Variants in ANK2 observed in about 807,000 individuals in gnomAD.
The protein encoded by ANK2 is ankyrin 2.
A neutral mutation model predicts 360.5 loss-of-function variants in ANK2; 83 were observed. The observed-to-expected ratio is 0.23, with a 90% confidence interval of 0.19 to 0.28. The LOEUF (loss-of-function observed/expected upper bound fraction) is 0.28. ANK2 is among the 10% of genes least tolerant of loss of function. The pLI is 1.00. For missense variants in ANK2, 4,201 were observed against 4,795.7 expected, an observed-to-expected ratio of 0.88 and a Z score of 3.66; for synonymous variants, 1,740 against 1,759.5, an observed-to-expected ratio of 0.99 and a Z score of 0.28.
chr4:112,789,668 A>G, the ANK2 span, among the ~76,000 whole-genome samples: 1 of 152,174 alleles, frequency 6.6e-6, no homozygotes. Context: ...TATGTAGTAT[A>G]TATCCTCAAG....
intron 1 of ANK2, among the ~76,000 whole-genome samples, chr4:112,900,545 A>G (rs2083027799): frequency 6.6e-6 from 1 of 152,198 alleles, no homozygotes; most frequent in African/African-American, 2.4e-5. Flanking sequence ...GGGGAAAGGG[A>G]AAAAGGGAGA....
At chr4:113,374,810 A>G in intron 45 of ANK2, 1 of 1,244,732 alleles carries the variant, frequency 8.0e-7, no homozygotes, top group South Asian at 1.4e-5. Context: ...TCACAATTTC[A>G]GGCTGAGCCA....
At chr4:113,373,922 T>C (rs1160074252) in intron 45 of ANK2, among the ~76,000 whole-genome samples, 4 of 152,072 alleles carry the variant, frequency 2.6e-5, no homozygotes, top group Non-Finnish European at 5.9e-5. Flanking sequence ...AACTCTTTGA[T>C]TTATCCTTGT....
rs911954644 is a variant in ANK2 at position 113,382,793 on chromosome 4, G to C, written c.*1322G>C. The C allele has an allele frequency of 9.9e-5, 15 of 152,192 alleles. No individual in the cohort carries two copies. The highest frequency in any genetic ancestry group is 3.4e-4 in the African/African-American group (14 of 41,528). The allele number at this position is 152,192 out of a possible 1,614,324, so 9.4% of individuals were successfully genotyped here. On this transcript the variant is annotated 3_prime_UTR_variant, in exon 46 of 46. Transcript: ENST00000357077. ...CACTTTTCACTTTCCAGCTAGGTCTGTTTTTCAGCTTGCAGACAAGATTGA... is the reference window on the plus strand; with the variant it reads ...CACTTTTCACTTTCCAGCTAGGTCTCTTTTTCAGCTTGCAGACAAGATTGA...
chr4:113,300,169 T>G (rs2074209344), intron 22 of ANK2, among the ~76,000 whole-genome samples: 1 of 152,212 alleles, frequency 6.6e-6, no homozygotes, highest in Admixed American at 6.5e-5. Flanking sequence ...TGGATACTTT[T>G]GTTTTTCCTG....
At chr4:112,925,403 A>G (rs1429196760) in intron 2 of ANK2, among the ~76,000 whole-genome samples, 1 of 152,234 alleles carries the variant, frequency 6.6e-6, no homozygotes, top group Non-Finnish European at 1.5e-5. Flanking sequence ...GCTACAGTAC[A>G]TTGCATAACA....
At position 112,962,481 on chromosome 4, in the gene ANK2, T is replaced by C. The variant is rs117193102; in HGVS notation, c.21+57967T>C. Among the ~76,000 whole-genome samples, 509 of 152,320 alleles carry C rather than the reference T, an allele frequency of 3.3e-3. 15 individuals carry two copies. In the East Asian group the frequency reaches 0.053, roughly 16 times the overall value. On this transcript the variant is annotated intron_variant, in intron 2 of 30. Coordinates refer to the ANK2 transcript ENST00000503271. ...TAGGTTGACTCCATATCTTTGCTAT[T>C]GTGAATAGTGCAGCCATGAACATAA... is the stretch of plus-strand genomic sequence containing the variant.
chr4:113,159,873 C>T (rs1002203491), intron 1 of ANK2, among the ~76,000 whole-genome samples: 5 of 151,950 alleles, frequency 3.3e-5, no homozygotes, highest in Admixed American at 1.3e-4. Context: ...CTGCCTGCCT[C>T]GGCCTCCTAA....
chr4:112,907,749 A>G (rs970950836), intron 2 of ANK2, among the ~76,000 whole-genome samples: 1 of 152,216 alleles, frequency 6.6e-6, no homozygotes, highest in Non-Finnish European at 1.5e-5. Context: ...AATTTTAGTG[A>G]TAGTATATAC....
intron 9 of ANK2, among the ~76,000 whole-genome samples, chr4:113,245,205 C>G (rs1209119612): frequency 6.6e-6 from 1 of 152,020 alleles, no homozygotes; most frequent in Admixed American, 6.6e-5. Flanking sequence ...TTACTAAAGA[C>G]AAAATCAAGT....
chr4:113,055,785 ACTAAT>A (rs2069417376), intron 1 of ANK2, among the ~76,000 whole-genome samples: 1 of 152,144 alleles, frequency 6.6e-6, no homozygotes, highest in Non-Finnish European at 1.5e-5. Flanking sequence ...CTACTGTTCA[ACTAAT>A]AACATATTTT....
chr4:113,377,476 A>C (rs2096991737), intron 45 of ANK2, among the ~76,000 whole-genome samples: 1 of 152,208 alleles, frequency 6.6e-6, no homozygotes, highest in Non-Finnish European at 1.5e-5. Flanking sequence ...AAAGGGACAA[A>C]AAAATCTAAA....
At chr4:113,015,140 G>A (rs1001325817) in intron 2 of ANK2, among the ~76,000 whole-genome samples, 1 of 152,038 alleles carries the variant, frequency 6.6e-6, no homozygotes, top group Non-Finnish European at 1.5e-5. Flanking sequence ...TTACAGGCGT[G>A]AGCCACCGCG....
rs148146490 is a variant in ANK2, at chr4:113,266,147, C to T, written c.1485+1152C>T. On this transcript the variant is annotated intron_variant, in intron 14 of 45. Coordinates refer to ENST00000357077, the MANE Select transcript of ANK2 (RefSeq NM_001148.6). ...ACAGTCTCCAGTGTGTGATGTTCCC[C>T]TCCCTGTGTCCATGTGTTCTCATTG... 5.7e-3 allele frequency among the ~76,000 whole-genome samples: 868 copies of T among 152,272 alleles called. 8 individuals are homozygous for T. Among genetic ancestry groups the T allele is most frequent in the African/African-American group, 0.02 (822 of 41,560 alleles).
intron 14 of ANK2, among the ~76,000 whole-genome samples, chr4:113,270,647 T>C (rs2058149267): frequency 6.6e-6 from 1 of 152,216 alleles, no homozygotes; most frequent in Non-Finnish European, 1.5e-5. Context: ...TAGCATTTTC[T>C]ATTGTGAACA....
rs140432584 is a variant in ANK2 at position 113,268,648 on chromosome 4, G to A, written c.1485+3653G>A. On this transcript the variant is annotated intron_variant, in intron 14 of 45. Transcript: ENST00000357077. The stretch of plus-strand genomic sequence containing the variant: ...TTTGATGTGCTGCTGGATTCAGTTT[G>A]CCAGTATTTTACTGAGGATTTTCGC... Among the ~76,000 whole-genome samples the A allele has an allele frequency of 1.3e-4, 20 of 152,304 alleles. No individual in the cohort carries two copies. In the East Asian group the frequency reaches 3.3e-3, roughly 25 times the overall value.
chr4:113,365,207 G>GTGTA lies in ANK2; in HGVS notation c.11032+28_11032+29insATGT. On this transcript the variant is annotated intron_variant, in intron 41 of 45. Coordinates refer to ENST00000357077, the MANE Select transcript of ANK2 (RefSeq NM_001148.6). ...GGTCAAACTGTGTGTGTGTATGTGTGTGTGTGTGTGTGTGTGTGTGTGTGT... is the reference window on the plus strand; with the variant it reads ...GGTCAAACTGTGTGTGTGTATGTGTGTGTATGTGTGTGTGTGTGTGTGTGTGTGT... 4 of 1,178,274 alleles carry GTGTA rather than the reference G, an allele frequency of 3.4e-6. No homozygotes were observed. In the Admixed American group the frequency reaches 8.0e-5, roughly 24 times the overall value. The allele number at this position is 1,178,274 out of a possible 1,614,324, so 73.0% of individuals were successfully genotyped here.
chr4:112,792,127 C>T, the ANK2 span, among the ~76,000 whole-genome samples: 9 of 149,432 alleles, frequency 6.0e-5, no homozygotes, highest in Admixed American at 1.3e-4. Context: ...CTGCAACCTC[C>T]GCCTCCTGGG....
At chr4:112,864,079 A>T (rs954708304) in intron 1 of ANK2, among the ~76,000 whole-genome samples, 1 of 152,196 alleles carries the variant, frequency 6.6e-6, no homozygotes, top group Non-Finnish European at 1.5e-5. Flanking sequence ...GAATAAAGAG[A>T]TTAGGTAGGG....
Sources: gnomAD v4.1 joint callset for allele counts (sites outside exome capture counted in the v4.1 genomes callset) on GRCh38, gnomAD v4.1.1 for gene constraint, MANE v1.5 for transcripts, NCBI Gene and HGNC (gene_info 2026-07-23, HGNC 2026-07-21) for gene names.